Variants in DNAJC5B observed in about 807,000 individuals in gnomAD.
DNAJC5B encodes the protein DnaJ heat shock protein family (Hsp40) member C5 beta, also known as dnaJ homolog subfamily C member 5B.
In DNAJC5B, 23 loss-of-function variants were observed where a neutral mutation model predicts 24.7. The ratio of observed to expected loss-of-function variants is 0.93; its 90% CI spans 0.67 to 1.32. DNAJC5B has a LOEUF of 1.32. Among genes scored for constraint, DNAJC5B ranks in the 40% most tolerant of loss-of-function variants. DNAJC5B has a pLI of 0.00. For synonymous variants in DNAJC5B, 101 were observed against 90.1 expected (o/e 1.12, Z -0.68); for missense variants, 238 against 240.8 (o/e 0.99, Z 0.08).
chr8:66,058,669 CT>C (rs1807017711), intron 3 of DNAJC5B, among the ~76,000 whole-genome samples: 2 of 152,232 alleles, frequency 1.3e-5, no homozygotes, highest in South Asian at 4.1e-4. Flanking sequence ...ATCTCAGTCC[CT>C]CCTGTGTCAA....
intron 5 of DNAJC5B, among the ~76,000 whole-genome samples, chr8:66,095,774 G>A (rs1221611689): frequency 6.6e-6 from 1 of 150,634 alleles, no homozygotes; most frequent in Non-Finnish European, 1.5e-5. Context: ...CTTTAAGCTA[G>A]GCCTGTGTAT....
intron 3 of DNAJC5B, among the ~76,000 whole-genome samples, chr8:66,053,619 T>G (rs958426714): frequency 6.6e-6 from 1 of 151,972 alleles, no homozygotes; most frequent in African/African-American, 2.4e-5. Flanking sequence ...TTAGTCTATA[T>G]TCTTCAACTA....
chr8:66,048,401 C>T (rs529719847), intron 2 of DNAJC5B, among the ~76,000 whole-genome samples: 2 of 152,326 alleles, frequency 1.3e-5, no homozygotes, highest in South Asian at 4.1e-4. Flanking sequence ...CCAGCCTGGC[C>T]TGGGTGCTGC....
chr8:66,089,920 T>A (rs1396644572), intron 5 of DNAJC5B, among the ~76,000 whole-genome samples: 4 of 152,176 alleles, frequency 2.6e-5, no homozygotes, highest in African/African-American at 4.8e-5. Context: ...ATTGTTCTTA[T>A]GAATCAATCA....
chr8:66,016,612 A>G (rs1457540643), upstream of DNAJC5B, among the ~76,000 whole-genome samples: 1 of 152,242 alleles, frequency 6.6e-6, no homozygotes, highest in African/African-American at 2.4e-5. Flanking sequence ...TGAGTGATTT[A>G]GTCACTCTGC....
chr8:66,032,697 T>C (rs551823327), intron 1 of DNAJC5B, among the ~76,000 whole-genome samples: 10 of 152,326 alleles, frequency 6.6e-5, no homozygotes, highest in Admixed American at 6.5e-4. Context: ...CATGAATCAA[T>C]GATTCCGCAG....
chr8:66,056,002 A>G (rs1806954554), intron 3 of DNAJC5B, among the ~76,000 whole-genome samples: 1 of 152,178 alleles, frequency 6.6e-6, no homozygotes, highest in African/African-American at 2.4e-5. Context: ...AAGAAAGATG[A>G]TGTAGACTTT....
At chr8:66,016,408 TC>T in the DNAJC5B span, among the ~76,000 whole-genome samples, 2 of 152,108 alleles carry the variant, frequency 1.3e-5, no homozygotes, top group African/African-American at 4.8e-5. Context: ...GTCCGGCATT[TC>T]CCCTGCTCCC....
chr8:66,062,556 C>T (rs751783093), intron 3 of DNAJC5B, among the ~76,000 whole-genome samples: 3 of 152,198 alleles, frequency 2.0e-5, no homozygotes, highest in Non-Finnish European at 4.4e-5. Flanking sequence ...TAAGATGCCC[C>T]AAAGTGAGGC....
rs1017555101 is a variant in DNAJC5B, at chr8:66,043,094, G to A, written c.-141-394G>A. ...TCTTAAAACCACCTCAGTCAGTACT[G>A]TGACTCAATGCCTCTTAACTAGGCG... On this transcript the variant is annotated intron_variant, in intron 1 of 5. Coordinates refer to ENST00000276570, the MANE Select transcript of DNAJC5B (RefSeq NM_033105.6). 8.7e-4 allele frequency among the ~76,000 whole-genome samples: 133 copies of A among 152,176 alleles called. 4 individuals are homozygous for A. Among genetic ancestry groups the A allele is most frequent in the Admixed American group, 1.3e-4 (2 of 15,282 alleles).
intron 1 of DNAJC5B, 31 bp from the exon 2 acceptor site, chr8:66,043,457 T>A: frequency 6.6e-6 from 1 of 152,250 alleles, no homozygotes; most frequent in East Asian, 1.9e-4. Flanking sequence ...CGGTCATGCA[T>A]GTTTCATTCT....
chr8:66,022,143 C>CT (rs772654156), intron 1 of DNAJC5B, among the ~76,000 whole-genome samples: 1 of 152,104 alleles, frequency 6.6e-6, no homozygotes, highest in Non-Finnish European at 1.5e-5. Flanking sequence ...AGAGAAGGGC[C>CT]TTTTGGTTGA....
chr8:66,033,089 C>T (rs571855334), intron 1 of DNAJC5B, among the ~76,000 whole-genome samples: 2 of 152,350 alleles, frequency 1.3e-5, no homozygotes, highest in South Asian at 2.1e-4. Flanking sequence ...CCATCCGTAT[C>T]CCAGTCCAGT....
intron 5 of DNAJC5B, among the ~76,000 whole-genome samples, chr8:66,081,865 G>A (rs1807603375): frequency 6.6e-6 from 1 of 152,076 alleles, no homozygotes; most frequent in African/African-American, 2.4e-5. Flanking sequence ...GGCCCATGGT[G>A]AAACAGAATT....
chr8:66,079,262 C>T (rs1450672747), intron 4 of DNAJC5B, among the ~76,000 whole-genome samples: 1 of 152,166 alleles, frequency 6.6e-6, no homozygotes, highest in African/African-American at 2.4e-5. Flanking sequence ...GCATCTAACA[C>T]ATACCAGGTA....
intron 1 of DNAJC5B, among the ~76,000 whole-genome samples, chr8:66,034,347 C>G (rs1225403544): frequency 6.6e-6 from 1 of 151,896 alleles, no homozygotes; most frequent in Non-Finnish European, 1.5e-5. Flanking sequence ...CCTGGGTCTG[C>G]AGTGCCAGCA....
chr8:66,075,382 G>T (rs986025722), intron 3 of DNAJC5B, among the ~76,000 whole-genome samples: 1 of 152,024 alleles, frequency 6.6e-6, no homozygotes, highest in Non-Finnish European at 1.5e-5. Context: ...CCATGGGGGG[G>T]GAAATGCTGC....
At position 66,072,770 on chromosome 8, in the gene DNAJC5B, T is replaced by C. The variant is rs529013606; in HGVS notation, c.120-3890T>C. Among the ~76,000 whole-genome samples, 46 of 152,248 alleles carry C rather than the reference T, an allele frequency of 3.0e-4. No homozygotes were observed. In the South Asian group the frequency reaches 9.5e-3, roughly 32 times the overall value. On this transcript the variant is annotated intron_variant, in intron 3 of 5. Transcript: ENST00000276570. Reference sequence around the variant, plus strand: ...GAAAATTTATAGAGTTTAATGCACATATTAGAAAACCAAGCCCAGCAATAA... The same window carrying C: ...GAAAATTTATAGAGTTTAATGCACACATTAGAAAACCAAGCCCAGCAATAA...
intron 3 of DNAJC5B, 147 bp from the exon 4 acceptor site, chr8:66,076,513 A>G: frequency 6.2e-6 from 5 of 802,838 alleles, no homozygotes; most frequent in Non-Finnish European, 8.0e-6. Context: ...GTGAAAATGT[A>G]CTTGTTAATC....
Sources: gnomAD v4.1 joint callset for allele counts (sites outside exome capture counted in the v4.1 genomes callset) on GRCh38, gnomAD v4.1.1 for gene constraint, MANE v1.5 for transcripts, NCBI Gene and HGNC (gene_info 2026-07-23, HGNC 2026-07-21) for gene names.